The following MCOLN1 variants were observed in gnomAD, a reference collection of about 807,000 sequenced individuals.
MCOLN1 encodes the protein mucolipin-1.
Under a neutral mutation model 70.3 loss-of-function variants are expected in MCOLN1, and 50 were observed. The ratio of observed to expected loss-of-function variants is 0.71; its 90% CI spans 0.57 to 0.90. The LOEUF is 0.90. MCOLN1 is among the 40% of genes least tolerant of loss of function. The pLI is 0.00. For missense variants in MCOLN1, 598 were observed against 803.5 expected (o/e 0.74, Z 3.09); for synonymous variants, 366 against 341.0 (o/e 1.07, Z -0.81).
chr19:7,533,916 C>T lies in MCOLN1; in HGVS notation c.*121C>T. ...GGCTCCCTGTCGCGCCCGAGGAGGG[C>T]CTGGACCTTTCGTGTCGGACCCTTG... On this transcript the variant is annotated 3_prime_UTR_variant, in exon 14 of 14. Transcript: ENST00000264079. 8.1e-7 allele frequency: 1 copy of T among 1,227,174 alleles called. No individual in the cohort carries two copies. Among genetic ancestry groups the T allele is most frequent in the Non-Finnish European group, 1.2e-6 (1 of 855,374 alleles). The allele number at this position is 1,227,174 out of a possible 1,614,324, so 76.0% of individuals were successfully genotyped here.
At chr19:7,530,629 C>A in intron 12 of MCOLN1, 128 bp downstream of exon 12, 1 of 963,046 alleles carries the variant, frequency 1.0e-6, no homozygotes, top group Non-Finnish European at 1.6e-6. Flanking sequence ...CTCTATGAAA[C>A]CAAAAAGAGG....
At position 7,522,633 on chromosome 19, in the gene MCOLN1, C is replaced by A; in HGVS notation, c.-118C>A. 1 of 1,097,564 alleles carries A rather than the reference C, an allele frequency of 9.1e-7. No homozygotes were observed. Among genetic ancestry groups the A allele is most frequent in the Non-Finnish European group, 1.2e-6 (1 of 807,332 alleles). 68.0% of individuals were successfully genotyped at this position (1,097,564 alleles called of 1,614,324 possible). A position where few individuals can be genotyped will look rare whatever the true frequency, so the allele number is the denominator to read the frequency against. ...GTCACGTGACCGAGGCACAGATCAGCTGATGCCGGAGGGTTTGAAGCCGCG... is the reference window on the plus strand; with the variant it reads ...GTCACGTGACCGAGGCACAGATCAGATGATGCCGGAGGGTTTGAAGCCGCG... On this transcript the variant is annotated 5_prime_UTR_variant, in exon 1 of 14. In the 5' UTR this introduces an upstream ATG that the reference lacks. Transcript: ENST00000264079.
Position 7,525,581 on chromosome 19 carries a change from G to T in MCOLN1, c.237+415G>T. 3.8e-6 allele frequency: 1 copy of T among 264,998 alleles called. No individual in the cohort carries two copies. Among genetic ancestry groups the T allele is most frequent in the Admixed American group, 5.2e-5 (1 of 19,232 alleles). The allele number at this position is 264,998 out of a possible 1,614,324, so 16.4% of individuals were successfully genotyped here. ...AATAGAACATTGGGAGCTGGGATTT[G>T]AACCCAGGCAGTCTGACACCATGTT... is the stretch of plus-strand genomic sequence containing the variant. On this transcript the variant is annotated intron_variant, in intron 2 of 13. Transcript: ENST00000264079. This position sits in a 1 kb window ranked among gnomAD's most constrained non-coding sequence, Gnocchi z 4.2.
Position 7,525,215 on chromosome 19 carries a change from T to G in MCOLN1, c.237+49T>G. Reference sequence around the variant, plus strand: ...CCAGCTGAAGGCCACCTGTGGCTGCTGTGCTCCTTGAAGAGAGTCTTAAAG... The same window carrying G: ...CCAGCTGAAGGCCACCTGTGGCTGCGGTGCTCCTTGAAGAGAGTCTTAAAG... On this transcript the variant is annotated intron_variant, in intron 2 of 13. Coordinates refer to ENST00000264079, the MANE Select transcript of MCOLN1 (RefSeq NM_020533.3). The surrounding 1 kb of genome is among the most constrained non-coding windows in gnomAD (Gnocchi z 4.2). 6.5e-7 allele frequency: 1 copy of G among 1,550,004 alleles called. No homozygotes were observed.
rs1317895184 is a variant in MCOLN1, at chr19:7,527,951, C to T, written c.768C>T (p.Phe256=). The part of the protein sequence containing the change: ...INNEIPDCYT[F]SVLITFDNKA... ...ATGAGATCCCGGACTGCTATACCTT[C>T]AGCGTCCTGGTGAGGCCCCCCGGGA... is the stretch of plus-strand genomic sequence containing the variant. The change falls in exon 6 of 14, where the codon TTC becomes TTT. Residue 256 remains phenylalanine, a synonymous_variant. Coordinates refer to ENST00000264079, the MANE Select transcript of MCOLN1 (RefSeq NM_020533.3). 6.2e-6 allele frequency: 10 copies of T among 1,613,622 alleles called. No individual in the cohort carries two copies. Among genetic ancestry groups the T allele is most frequent in the Non-Finnish European group, 8.5e-6 (10 of 1,179,596 alleles).
At position 7,528,276 on chromosome 19, in the gene MCOLN1, G is replaced by T; in HGVS notation, c.877+19G>T. Reference sequence around the variant, plus strand: ...CAGCACGGTGAGCCCCTGAGCCCCAGACCAGCACTGACCAGGGGCCCTGGC... The same window carrying T: ...CAGCACGGTGAGCCCCTGAGCCCCATACCAGCACTGACCAGGGGCCCTGGC... On this transcript the variant is annotated intron_variant, in intron 7 of 13. Coordinates refer to ENST00000264079, the MANE Select transcript of MCOLN1 (RefSeq NM_020533.3). The surrounding 1 kb of genome is among the most constrained non-coding windows in gnomAD (Gnocchi z 4.2). 2 of 1,603,332 alleles carry T rather than the reference G, an allele frequency of 1.2e-6. No homozygotes were observed. Among genetic ancestry groups the T allele is most frequent in the South Asian group, 2.2e-5 (2 of 90,820 alleles).
chr19:7,527,608 C>A lies in MCOLN1; in HGVS notation c.660C>A (p.Asn220Lys). 1 of 1,613,406 alleles carries A rather than the reference C, an allele frequency of 6.2e-7. No homozygotes were observed. The highest frequency in any genetic ancestry group is 8.5e-7 in the Non-Finnish European group (1 of 1,179,308). The change falls in exon 5 of 14, where the codon AAC becomes AAA. Residue 220 changes from asparagine (N) to lysine (K), a missense_variant. Asn to Lys is a moderately conservative substitution (Grantham distance 94). Transcript: ENST00000264079. ...TLLESSSSYKNLTLKFHKLVN... is the reference protein window; with the variant it reads ...TLLESSSSYKKLTLKFHKLVN... ...TGGAAAGCAGCTCCAGTTACAAGAA[C>A]CTCACGCTCAAATTCCACAAGTACT... is the stretch of plus-strand genomic sequence containing the variant.
Position 7,524,112 on chromosome 19 carries a change from G to A in MCOLN1, c.32-849G>A, listed in dbSNP as rs543506937. Among the ~76,000 whole-genome samples the A allele has an allele frequency of 6.0e-4, 92 of 152,220 alleles. 1 individual carries two copies. Among genetic ancestry groups the A allele is most frequent in the Admixed American group, 3.9e-4 (6 of 15,284 alleles). ...CCTCCCACCTTGGCCTCCCAAAGCCGTTGGGATAACAGGCATGAGCCACTG... is the reference window on the plus strand; with the variant it reads ...CCTCCCACCTTGGCCTCCCAAAGCCATTGGGATAACAGGCATGAGCCACTG... On this transcript the variant is annotated intron_variant, in intron 1 of 13. Coordinates refer to ENST00000264079, the MANE Select transcript of MCOLN1 (RefSeq NM_020533.3). This position sits in a 1 kb window ranked among gnomAD's most constrained non-coding sequence, Gnocchi z 4.1.
chr19:7,527,661 T>G (rs1599254188), intron 5 of MCOLN1, 33 bp downstream of exon 5: 1 of 1,480,446 alleles, frequency 6.8e-7, no homozygotes. Context: ...GGGCCCAGGG[T>G]GGGGGAGGCA....
Position 7,530,514 on chromosome 19 carries a change from C to G in MCOLN1, c.1575+13C>G. On this transcript the variant is annotated intron_variant, in intron 12 of 13. Transcript: ENST00000264079. ...CGACACCATCAAGGTCAGCCGCATGCACCCAGCCCTGAGCTCGGGCTCTGG... is the reference window on the plus strand; with the variant it reads ...CGACACCATCAAGGTCAGCCGCATGGACCCAGCCCTGAGCTCGGGCTCTGG... The G allele has an allele frequency of 6.2e-7, 1 of 1,605,914 alleles. No individual in the cohort carries two copies. The highest frequency in any genetic ancestry group is 1.1e-5 in the South Asian group (1 of 91,060).
At chr19:7,527,288 A>AC in intron 4 of MCOLN1, 1 of 550,508 alleles carries the variant, frequency 1.8e-6, no homozygotes. Flanking sequence ...AAAAAAAAAA[A>AC]AAAAAAACAA....
intron 4 of MCOLN1, 151 bp downstream of exon 4, chr19:7,527,077 C>A (rs947804592): frequency 3.1e-6 from 3 of 958,036 alleles, no homozygotes; most frequent in Non-Finnish European, 4.9e-6. Flanking sequence ...AAGTTTGAGA[C>A]CAGCCTGGGC....
intron 11 of MCOLN1, 114 bp from the exon 12 acceptor site, chr19:7,530,162 CCGGCCATTCA>C (rs1181926058): frequency 1.1e-5 from 9 of 794,388 alleles, no homozygotes; most frequent in Non-Finnish European, 1.9e-5. Context: ...AGCCCGGGAC[CCGGCCATTCA>C]TGTGGGGCCC....
Position 7,525,653 on chromosome 19 carries a change from T to TA in MCOLN1, c.237+487_237+488insA. 1 of 201,140 alleles carries TA rather than the reference T, an allele frequency of 5.0e-6. No individual in the cohort carries two copies. Among genetic ancestry groups the TA allele is most frequent in the Non-Finnish European group, 1.0e-5 (1 of 97,344 alleles). The allele number at this position is 201,140 out of a possible 1,614,324, so 12.5% of individuals were successfully genotyped here. A position where few individuals can be genotyped will look rare whatever the true frequency, so the allele number is the denominator to read the frequency against. The stretch of plus-strand genomic sequence containing the variant: ...GTTCTCCCTCCCCCATGCCAGACCC[T>TA]GTGCTGGGCTCTGGGAACCCCAAGA... On this transcript the variant is annotated intron_variant, in intron 2 of 13. Coordinates refer to ENST00000264079, the MANE Select transcript of MCOLN1 (RefSeq NM_020533.3). This position sits in a 1 kb window ranked among gnomAD's most constrained non-coding sequence, Gnocchi z 4.2.
chr19:7,526,924 C>T lies in MCOLN1; in HGVS notation c.569C>T (p.Thr190Ile), dbSNP rs2022580240. 1.2e-6 allele frequency: 2 copies of T among 1,613,992 alleles called. No homozygotes were observed. The highest frequency in any genetic ancestry group is 1.7e-6 in the Non-Finnish European group (2 of 1,180,012). ...TTTGACATTGATCCGATGGTGGTTA[C>T]TGGTGAGTGGGCAGGACGAGGCTTC... ...DTFDIDPMVV[T>I]DCIQVDPPER... The change falls in exon 4 of 14, where the codon ACT becomes ATT. Residue 190 changes from threonine to isoleucine, a missense_variant and splice_region_variant. By Grantham distance (89) the Thr-to-Ile change is moderately conservative (BLOSUM62 -1). Transcript: ENST00000264079. The surrounding 1 kb of genome is among the most constrained non-coding windows in gnomAD (Gnocchi z 4.6).
At position 7,527,271 on chromosome 19, in the gene MCOLN1, CA is replaced by C. The variant is rs562144613; in HGVS notation, c.572-225del. 32,385 of 224,440 alleles carry C rather than the reference CA, an allele frequency of 0.14. 104 individuals carry two copies. The highest frequency in any genetic ancestry group is 0.2 in the African/African-American group (4,004 of 20,392). 13.9% of individuals were successfully genotyped at this position (224,440 alleles called of 1,614,324 possible). ...TGGGTGACAGAGTGAGACCCTGTCT[CA>C]AAAAAAAAAAAAAAAAAAAAAAACA... On this transcript the variant is annotated intron_variant, in intron 4 of 13. Transcript: ENST00000264079.
intron 4 of MCOLN1, 163 bp downstream of exon 4, chr19:7,527,089 A>G (rs2022582472): frequency 8.2e-6 from 7 of 856,914 alleles, no homozygotes; most frequent in South Asian, 7.1e-5. Context: ...AGCCTGGGCC[A>G]CGTAGGAAGA....
chr19:7,527,400 AGGCCTGTAGGAATGACCCAACCCTGGG>A (rs2022587470), intron 4 of MCOLN1, 93 bp from the exon 5 acceptor site: 6 of 734,858 alleles, frequency 8.2e-6, no homozygotes, highest in South Asian at 7.2e-5. Flanking sequence ...AGAGAGTGCC[AGGCCTGTAGGAATGACCCAACCCTGGG>A]GAAGCACAGG....
At position 7,524,825 on chromosome 19, in the gene MCOLN1, T is replaced by A. The variant is rs1031803502; in HGVS notation, c.32-136T>A. ...CAATGTCACAGGTTTTCTGGTTTTCTTTAGACCTCTCAGAGCTCTTCCTTG... is the reference window on the plus strand; with the variant it reads ...CAATGTCACAGGTTTTCTGGTTTTCATTAGACCTCTCAGAGCTCTTCCTTG... On this transcript the variant is annotated intron_variant, in intron 1 of 13. Coordinates refer to ENST00000264079, the MANE Select transcript of MCOLN1 (RefSeq NM_020533.3). The surrounding 1 kb of genome is among the most constrained non-coding windows in gnomAD (Gnocchi z 4.1). 2.2e-5 allele frequency: 16 copies of A among 737,630 alleles called. No individual in the cohort carries two copies. The allele number at this position is 737,630 out of a possible 1,614,324, so 45.7% of individuals were successfully genotyped here. A position where few individuals can be genotyped will look rare whatever the true frequency, so the allele number is the denominator to read the frequency against.
Sources: allele counts gnomAD v4.1 joint callset (sites outside exome capture counted in the v4.1 genomes callset), GRCh38; gene constraint gnomAD v4.1.1; non-coding constraint Gnocchi (gnomAD v3.1); transcripts MANE v1.5; gene names NCBI Gene and HGNC (gene_info 2026-07-23, HGNC 2026-07-21).